The following EIF3E variants were observed in gnomAD, a reference collection of about 807,000 sequenced individuals.
EIF3E encodes eukaryotic translation initiation factor 3 subunit E.
In EIF3E, 25 loss-of-function variants were observed where a neutral mutation model predicts 59.3. That is an observed-to-expected ratio of 0.42 (90% CI 0.31 to 0.59). The LOEUF (loss-of-function observed/expected upper bound fraction) is 0.59, where lower values mean the gene tolerates loss of function less well. EIF3E is among the 20% of genes least tolerant of loss of function. The pLI, the probability that EIF3E is intolerant of heterozygous loss-of-function variation, is 0.15. For synonymous variants in EIF3E, 176 were observed against 170.2 expected (o/e 1.03, Z -0.26); for missense variants, 317 against 534.3 (o/e 0.59, Z 4.01).
intron 12 of EIF3E, 92 bp downstream of exon 12, chr8:108,202,891 T>A: frequency 2.2e-6 from 3 of 1,353,784 alleles, no homozygotes; most frequent in Non-Finnish European, 2.9e-6. Context: ...AAAAACAAAA[T>A]CAGCTACAAC....
At chr8:108,224,208 T>C (rs1341352238) in intron 7 of EIF3E, among the ~76,000 whole-genome samples, 1 of 151,062 alleles carries the variant, frequency 6.6e-6, no homozygotes, top group Non-Finnish European at 1.5e-5. Flanking sequence ...GGCGACAGAG[T>C]GAGACTCCGT....
At chr8:108,233,792 T>C (rs1238881548) in intron 5 of EIF3E, 2 of 146,770 alleles carry the variant, frequency 1.4e-5, no homozygotes, top group African/African-American at 2.9e-5. Context: ...TGAGCTATGA[T>C]GGCACCACTG....
At chr8:108,205,075 TA>T (rs1815075410) in intron 10 of EIF3E, among the ~76,000 whole-genome samples, 1 of 152,164 alleles carries the variant, frequency 6.6e-6, no homozygotes, top group African/African-American at 2.4e-5. Context: ...TATGTGTGTT[TA>T]TATACTGTCT....
chr8:108,219,909 G>A (rs928574063), intron 7 of EIF3E, among the ~76,000 whole-genome samples: 1 of 152,074 alleles, frequency 6.6e-6, no homozygotes, highest in Non-Finnish European at 1.5e-5. Context: ...TTGGGAGGCC[G>A]AGGTGGGTGG....
Position 108,238,943 on chromosome 8 carries a change from A to G in EIF3E, c.323+1015T>C, listed in dbSNP as rs534908017. 3.3e-5 allele frequency among the ~76,000 whole-genome samples: 5 copies of G among 152,330 alleles called. No homozygotes were observed. The South Asian group carries it at 8.3e-4, about 25-fold the overall frequency. The stretch of plus-strand genomic sequence containing the variant: ...AACCCAAAAGACTTCCACCCGTGAC[A>G]TGTACTACGTCAGACTAAGGCAATA... On this transcript the variant is annotated intron_variant, in intron 3 of 12. Transcript: ENST00000220849.
chr8:108,221,873 C>G (rs1815423061), intron 7 of EIF3E, among the ~76,000 whole-genome samples: 1 of 152,052 alleles, frequency 6.6e-6, no homozygotes, highest in African/African-American at 2.4e-5. Context: ...ACTGAAATTT[C>G]ATGTCATTTT....
intron 6 of EIF3E, 106 bp downstream of exon 6, chr8:108,228,964 T>A (rs558978322): frequency 2.4e-6 from 3 of 1,256,374 alleles, no homozygotes; most frequent in African/African-American, 3.1e-5. Context: ...AAAGCTAATA[T>A]GAATTTTTTT....
In EIF3E at chr8:108,201,500, G is replaced by A. The variant is rs574164151; in HGVS notation, c.*385C>T. On this transcript the variant is annotated 3_prime_UTR_variant, in exon 13 of 13. Transcript: ENST00000220849. The stretch of plus-strand genomic sequence containing the variant: ...AGTTCTCTATCTTGGCTGCAGTGAT[G>A]GTTACACAAATCTACACGTGATAAA... 38 of 153,920 alleles carry A rather than the reference G, an allele frequency of 2.5e-4. No homozygotes were observed. Among genetic ancestry groups the A allele is most frequent in the Non-Finnish European group, 4.6e-4 (32 of 69,494 alleles). The allele number at this position is 153,920 out of a possible 1,614,324, so 9.5% of individuals were successfully genotyped here.
chr8:108,202,903 C>A, intron 12 of EIF3E, 80 bp downstream of exon 12: 1 of 1,444,648 alleles, frequency 6.9e-7, no homozygotes, highest in South Asian at 1.6e-5. Context: ...AGCTACAACT[C>A]ATCAATACAC....
chr8:108,221,810 A>G (rs1474804450), intron 7 of EIF3E, among the ~76,000 whole-genome samples: 1 of 152,204 alleles, frequency 6.6e-6, no homozygotes, highest in East Asian at 1.9e-4. Flanking sequence ...ACACACGCAC[A>G]CACACACACA....
At chr8:108,237,311 G>T (rs1231782723) in intron 3 of EIF3E, among the ~76,000 whole-genome samples, 1 of 152,194 alleles carries the variant, frequency 6.6e-6, no homozygotes, top group Non-Finnish European at 1.5e-5. Context: ...GAGTTCACTG[G>T]TGTAATCTCG....
rs1815477478 is a variant in EIF3E, at chr8:108,224,230, T to A, written c.722+4037A>T. ...GAGTGAGACTCCGTCTCAAAAAAAA[T>A]AAAAATAAAATAATTTTTAAAAATA... On this transcript the variant is annotated intron_variant, in intron 7 of 12. Coordinates refer to ENST00000220849, the MANE Select transcript of EIF3E (RefSeq NM_001568.3). Among the ~76,000 whole-genome samples the A allele has an allele frequency of 2.0e-5, 3 of 151,074 alleles. No individual in the cohort carries two copies. The South Asian group carries it at 6.2e-4, about 31-fold the overall frequency.
chr8:108,202,973 T>C lies in EIF3E; in HGVS notation c.1299+10A>G. The C allele has an allele frequency of 6.2e-7, 1 of 1,608,976 alleles. No individual in the cohort carries two copies. The highest frequency in any genetic ancestry group is 8.5e-7 in the Non-Finnish European group (1 of 1,177,706). ...AACCCCAGACAGAATAGAAGATGTGTGGTTCTTACCTCTGACCTGCTATTC... is the reference window on the plus strand; with the variant it reads ...AACCCCAGACAGAATAGAAGATGTGCGGTTCTTACCTCTGACCTGCTATTC... On this transcript the variant is annotated intron_variant, in intron 12 of 12. Transcript: ENST00000220849.
intron 7 of EIF3E, chr8:108,227,334 T>C (rs1815534515): frequency 6.6e-6 from 1 of 151,908 alleles, no homozygotes. Context: ...AAAAAAAAAG[T>C]GTTATTGTAA....
rs549956964 is a variant in EIF3E at position 108,213,216 on chromosome 8, T to G, written c.1061+1391A>C. Reference sequence around the variant, plus strand: ...AGAAAGAAAATAATGAATACATGGCTGCAGAGTTAAAGGAAAAGAGCTACA... The same window carrying G: ...AGAAAGAAAATAATGAATACATGGCGGCAGAGTTAAAGGAAAAGAGCTACA... On this transcript the variant is annotated intron_variant, in intron 10 of 12. Coordinates refer to ENST00000220849, the MANE Select transcript of EIF3E (RefSeq NM_001568.3). Among the ~76,000 whole-genome samples the G allele has an allele frequency of 7.7e-4, 118 of 152,318 alleles. 2 individuals are homozygous for G. The highest frequency in any genetic ancestry group is 3.4e-3 in the Middle Eastern group (1 of 294).
At chr8:108,228,540 A>C (rs745996277) in intron 6 of EIF3E, 149 bp from the exon 7 acceptor site, 13 of 507,938 alleles carry the variant, frequency 2.6e-5, no homozygotes, top group Non-Finnish European at 3.8e-5. Context: ...CCGACCCCCT[A>C]TGCCTTCTCT....
At chr8:108,225,272 T>C (rs576866706) in intron 7 of EIF3E, among the ~76,000 whole-genome samples, 1 of 151,614 alleles carries the variant, frequency 6.6e-6, no homozygotes, top group Admixed American at 6.5e-5. Flanking sequence ...CAAGAAAAAC[T>C]AGAATTTTGG....
chr8:108,239,670 T>C (rs754477255), intron 3 of EIF3E, among the ~76,000 whole-genome samples: 4 of 152,162 alleles, frequency 2.6e-5, no homozygotes, highest in Non-Finnish European at 4.4e-5. Flanking sequence ...TTTCCAGACA[T>C]TGCCAAATGT....
chr8:108,230,336 A>C (rs990930112), intron 5 of EIF3E, among the ~76,000 whole-genome samples: 1 of 152,182 alleles, frequency 6.6e-6, no homozygotes, highest in African/African-American at 2.4e-5. Context: ...TTTAAGTGAC[A>C]TAAGACATAC....
Sources: allele counts gnomAD v4.1 joint callset (sites outside exome capture counted in the v4.1 genomes callset), GRCh38; gene constraint gnomAD v4.1.1; transcripts MANE v1.5; gene names NCBI Gene and HGNC (gene_info 2026-07-23, HGNC 2026-07-21).